The following GCC2 variants were observed in gnomAD, a reference collection of about 807,000 sequenced individuals.
GCC2 encodes GRIP and coiled-coil domain containing 2.
GCC2 carries 120 observed loss-of-function variants against 210.6 expected under a neutral mutation model. That is an observed-to-expected ratio of 0.57 (90% CI 0.49 to 0.66). GCC2 has a LOEUF of 0.66. GCC2 is among the 30% of genes least tolerant of loss of function. GCC2 has a pLI of 0.00. For missense variants in GCC2, 1,868 were observed against 1,871.9 expected (o/e 1.00, Z 0.04); for synonymous variants, 703 against 652.7 (o/e 1.08, Z -1.17).
intron 7 of GCC2, chr2:108,473,145 G>T: frequency 8.0e-6 from 3 of 373,634 alleles, no homozygotes; most frequent in Non-Finnish European, 1.4e-5. Flanking sequence ...GATTTATTTT[G>T]GATTTTTCAT....
rs1424647828 is a variant in GCC2 at position 108,483,162 on chromosome 2, A to G, written c.3446A>G (p.Lys1149Arg). The G allele has an allele frequency of 2.1e-6, 3 of 1,419,210 alleles. No homozygotes were observed. The African/African-American group carries it at 4.2e-5, about 20-fold the overall frequency. 87.9% of individuals were successfully genotyped at this position (1,419,210 alleles called of 1,614,324 possible). The change falls in exon 12 of 23, where the codon AAA (lysine) becomes AGA (arginine). Residue 1149 changes from lysine to arginine, a missense_variant. Transcript: ENST00000309863. The part of the protein sequence containing the change: ...QKTMQELELV[K>R]KDAQQTTLMN... ...ACCATGCAAGAATTAGAGCTGGTTA[A>G]AAAGGTAAAATAAAACACTAGGATC...
At chr2:108,478,694 A>G (rs180912555) in intron 9 of GCC2, among the ~76,000 whole-genome samples, 1 of 152,330 alleles carries the variant, frequency 6.6e-6, no homozygotes, top group East Asian at 1.9e-4. Context: ...GCCATTGTTT[A>G]TTATGCCCTG....
chr2:108,466,280 A>G (rs1573362035), intron 4 of GCC2, among the ~76,000 whole-genome samples: 1 of 151,744 alleles, frequency 6.6e-6, no homozygotes, highest in Non-Finnish European at 1.5e-5. Context: ...TGACCTCATG[A>G]CCCGCCCACC....
intron 4 of GCC2, among the ~76,000 whole-genome samples, chr2:108,464,939 G>A (rs1466124698): frequency 6.6e-6 from 1 of 152,158 alleles, no homozygotes; most frequent in Non-Finnish European, 1.5e-5. Flanking sequence ...ACGTCACATG[G>A]CGAAAGCAGG....
intron 18 of GCC2, among the ~76,000 whole-genome samples, chr2:108,491,330 C>A (rs1426867588): frequency 6.6e-6 from 1 of 152,144 alleles, no homozygotes; most frequent in African/African-American, 2.4e-5. Context: ...ACTTTACCCA[C>A]CTCTAATTTT....
Position 108,484,214 on chromosome 2 carries a change from A to G in GCC2, c.3516A>G (p.Leu1172=). 1.9e-6 allele frequency: 3 copies of G among 1,586,340 alleles called. No homozygotes were observed. Among genetic ancestry groups the G allele is most frequent in the Non-Finnish European group, 2.6e-6 (3 of 1,165,334 alleles). The change falls in exon 13 of 23, where the codon CTA becomes CTG. Residue 1172 remains leucine, a synonymous_variant. Coordinates refer to ENST00000309863, the MANE Select transcript of GCC2 (RefSeq NM_181453.4). The stretch of plus-strand genomic sequence containing the variant: ...ATTATGAACGTTTGATGAAAGAACT[A>G]AATCAAAAGTTAACTAATAAAAACA... ...IADYERLMKE[L]NQKLTNKNNK...
chr2:108,481,682 C>T lies in GCC2; in HGVS notation c.3061-15C>T, dbSNP rs761047065. On this transcript the variant is annotated splice_polypyrimidine_tract_variant and intron_variant, in intron 9 of 22. Coordinates refer to ENST00000309863, the MANE Select transcript of GCC2 (RefSeq NM_181453.4). ...CAAAATTATATACCAAAGTTAAATC[C>T]TTCTTTTATTGAAGAATCTTTTATT... The T allele has an allele frequency of 3.2e-6, 5 of 1,572,166 alleles. No individual in the cohort carries two copies. The East Asian group carries it at 9.0e-5, about 28-fold the overall frequency.
chr2:108,506,083 A>G (rs1242673094), intron 22 of GCC2, among the ~76,000 whole-genome samples: 1 of 152,214 alleles, frequency 6.6e-6, no homozygotes, highest in Non-Finnish European at 1.5e-5. Context: ...TTGTGAATAT[A>G]TTAAAAACCA....
At chr2:108,453,065 G>A (rs1026187637) in intron 4 of GCC2, among the ~76,000 whole-genome samples, 1 of 152,150 alleles carries the variant, frequency 6.6e-6, no homozygotes, top group African/African-American at 2.4e-5. Flanking sequence ...CCATGCTCAG[G>A]ACTTAAGTGA....
intron 22 of GCC2, among the ~76,000 whole-genome samples, chr2:108,505,592 C>T (rs1405284767): frequency 6.6e-6 from 1 of 152,138 alleles, no homozygotes; most frequent in Admixed American, 6.5e-5. Context: ...AGCAAGCTAC[C>T]ATCCCATAGG....
chr2:108,482,308 A>C lies in GCC2; in HGVS notation c.3202A>C (p.Asn1068His). 2 of 1,578,018 alleles carry C rather than the reference A, an allele frequency of 1.3e-6. No homozygotes were observed. Among genetic ancestry groups the C allele is most frequent in the Non-Finnish European group, 8.6e-7 (1 of 1,159,736 alleles). The change falls in exon 11 of 23, where the codon AAT (asparagine) becomes CAT (histidine). Residue 1068 changes from asparagine to histidine, a missense_variant. Asn to His is a moderately conservative substitution (Grantham distance 68). This residue lies in a region of GCC2 where 1,847 missense variants were observed against 1,765.2 expected (regional missense o/e 1.05). Coordinates refer to ENST00000309863, the MANE Select transcript of GCC2 (RefSeq NM_181453.4). ...TLQCETINSD[N>H]EDLLARIETL... The stretch of plus-strand genomic sequence containing the variant: ...TCAGTGTGAAACAATAAATTCTGAT[A>C]ATGAAGATCTCCTGGCTCGTATTGA...
intron 18 of GCC2, among the ~76,000 whole-genome samples, chr2:108,490,912 T>A (rs1275386258): frequency 6.6e-6 from 1 of 152,156 alleles, no homozygotes; most frequent in African/African-American, 2.4e-5. Flanking sequence ...CAGTAAGTGT[T>A]TTTTGAGCAC....
At chr2:108,462,946 G>A (rs958962890) in intron 4 of GCC2, among the ~76,000 whole-genome samples, 1 of 151,594 alleles carries the variant, frequency 6.6e-6, no homozygotes, top group Non-Finnish European at 1.5e-5. Flanking sequence ...TTTAAGTTCT[G>A]ACATTCTTTC....
intron 4 of GCC2, among the ~76,000 whole-genome samples, chr2:108,459,122 G>A (rs1680423843): frequency 6.6e-6 from 1 of 152,098 alleles, no homozygotes; most frequent in Admixed American, 6.5e-5. Flanking sequence ...AAATCACATA[G>A]GTTTTGTGAT....
intron 4 of GCC2, among the ~76,000 whole-genome samples, chr2:108,458,252 C>T (rs1680370034): frequency 6.7e-6 from 1 of 148,760 alleles, no homozygotes; most frequent in Admixed American, 6.6e-5. Context: ...TCCTTGCATC[C>T]CTCGAATAAA....
chr2:108,507,401 AAGAAC>A (rs910034337), intron 22 of GCC2, 154 bp from the exon 23 acceptor site: 2 of 395,962 alleles, frequency 5.1e-6, no homozygotes, highest in Non-Finnish European at 4.6e-6. Context: ...CTCAAAAAAA[AAGAAC>A]CCCCCCCCCC....
At position 108,449,416 on chromosome 2, in the gene GCC2, CTT is replaced by C. The variant is rs895940987; in HGVS notation, c.6+138_6+139del. The C allele has an allele frequency of 9.2e-6, 13 of 1,414,144 alleles. No homozygotes were observed. In the African/African-American group the frequency reaches 1.6e-4, roughly 17 times the overall value. The allele number at this position is 1,414,144 out of a possible 1,614,324, so 87.6% of individuals were successfully genotyped here. A position where few individuals can be genotyped will look rare whatever the true frequency, so the allele number is the denominator to read the frequency against. ...GCCCGCGCTGCTGTCGCCTCCCCAT[CTT>C]TCGTAAACTCTATCCCTGGGGGTTA... On this transcript the variant is annotated intron_variant, in intron 1 of 22. Transcript: ENST00000309863.
chr2:108,479,363 G>A (rs187154718), intron 9 of GCC2, among the ~76,000 whole-genome samples: 106 of 152,204 alleles, frequency 7.0e-4, no homozygotes, highest in Non-Finnish European at 1.3e-3. Context: ...AGCAAGAGCC[G>A]GGCATGGTGG....
Position 108,455,311 on chromosome 2 carries a change from G to A in GCC2, c.216+2845G>A, listed in dbSNP as rs901738287. On this transcript the variant is annotated intron_variant, in intron 4 of 22. Coordinates refer to ENST00000309863, the MANE Select transcript of GCC2 (RefSeq NM_181453.4). ...AAAAATTAACCAGGCATGGTGGCAC[G>A]CGCCTATAGCCCAAGCTACTTGGTA... Among the ~76,000 whole-genome samples the A allele has an allele frequency of 9.9e-5, 15 of 152,146 alleles. 1 individual carries two copies. The Middle Eastern group carries it at 0.014, about 138-fold the overall frequency.
Sources: allele counts gnomAD v4.1 joint callset (sites outside exome capture counted in the v4.1 genomes callset), GRCh38; gene constraint gnomAD v4.1.1; regional missense constraint gnomAD v4.1.1; transcripts MANE v1.5; gene names NCBI Gene and HGNC (gene_info 2026-07-23, HGNC 2026-07-21).